NBEA: variants seen among roughly 807,000 people sequenced by gnomAD.
NBEA encodes the protein neurobeachin.
NBEA carries 44 observed loss-of-function variants against 343.4 expected under a neutral mutation model. The ratio of observed to expected loss-of-function variants is 0.13; its 90% CI spans 0.10 to 0.16. NBEA has a LOEUF of 0.16. Among genes scored for constraint, NBEA ranks in the 10% least tolerant of loss-of-function variants. The pLI is 1.00. For missense variants in NBEA, 2,555 were observed against 3,631.3 expected, an observed-to-expected ratio of 0.70 and a Z score of 7.62; for synonymous variants, 1,175 against 1,238.7, an observed-to-expected ratio of 0.95 and a Z score of 1.08.
At chr13:35,020,535 G>A (rs2061801694) in intron 1 of NBEA, among the ~76,000 whole-genome samples, 1 of 151,972 alleles carries the variant, frequency 6.6e-6, no homozygotes, top group Non-Finnish European at 1.5e-5. Flanking sequence ...ATATTCTTTT[G>A]TAAGACAGAG....
At chr13:35,620,274 GA>G (rs1475373976) in intron 48 of NBEA, among the ~76,000 whole-genome samples, 1 of 152,088 alleles carries the variant, frequency 6.6e-6, no homozygotes, top group African/African-American at 2.4e-5. Flanking sequence ...ACCACTGCAA[GA>G]AAAGGAGACT....
rs1424125380 is a variant in NBEA, at chr13:35,075,525, T to C, written c.1571+4673T>C. On this transcript the variant is annotated intron_variant, in intron 10 of 58. Coordinates refer to ENST00000379939, the MANE Select transcript of NBEA (RefSeq NM_001385012.1). ...ATTACAATAAATACAGTTTGTTTGCTAGAAGGATGGAATGTAAGAAATAAA... is the reference window on the plus strand; with the variant it reads ...ATTACAATAAATACAGTTTGTTTGCCAGAAGGATGGAATGTAAGAAATAAA... Among the ~76,000 whole-genome samples the C allele has an allele frequency of 2.6e-5, 4 of 152,108 alleles. No individual in the cohort carries two copies. The South Asian group carries it at 6.2e-4, about 24-fold the overall frequency.
chr13:35,082,572 A>G, intron 10 of NBEA, among the ~76,000 whole-genome samples: 1 of 152,198 alleles, frequency 6.6e-6, no homozygotes, highest in East Asian at 1.9e-4. Context: ...CATCTTCTGC[A>G]GCACCTGTTG....
At chr13:35,396,177 A>G (rs1477511470) in intron 38 of NBEA, among the ~76,000 whole-genome samples, 1 of 152,100 alleles carries the variant, frequency 6.6e-6, no homozygotes, top group Non-Finnish European at 1.5e-5. Context: ...TTGTAGGTGC[A>G]TGCCACTGCA....
At chr13:34,999,810 TAA>T (rs2061065184) in intron 1 of NBEA, among the ~76,000 whole-genome samples, 1 of 147,560 alleles carries the variant, frequency 6.8e-6, no homozygotes, top group Non-Finnish European at 1.5e-5. Flanking sequence ...GGTAACTTGA[TAA>T]GGTTATATAT....
intron 45 of NBEA, 94 bp from the exon 46 acceptor site, chr13:35,583,804 T>G: frequency 1.1e-6 from 1 of 908,980 alleles, no homozygotes; most frequent in Non-Finnish European, 1.6e-6. Context: ...ATGGCTAAAA[T>G]GAATTAACAG....
chr13:35,547,481 G>A (rs946640979), intron 41 of NBEA, among the ~76,000 whole-genome samples: 5 of 152,202 alleles, frequency 3.3e-5, no homozygotes, highest in Admixed American at 1.3e-4. Context: ...GATCCAGTCA[G>A]GGGAGAGGAA....
chr13:35,576,556 G>A lies in NBEA; in HGVS notation c.7036-7342G>A, dbSNP rs541788196. Among the ~76,000 whole-genome samples the A allele has an allele frequency of 2.0e-5, 3 of 152,074 alleles. No homozygotes were observed. The South Asian group carries it at 6.2e-4, about 32-fold the overall frequency. Reference sequence around the variant, plus strand: ...TCTGGGTCATATAATTCTAAAAGCCGACTAAAATTATCTCTATGAGATAAA... The same window carrying A: ...TCTGGGTCATATAATTCTAAAAGCCAACTAAAATTATCTCTATGAGATAAA... On this transcript the variant is annotated intron_variant, in intron 45 of 58. Coordinates refer to ENST00000379939, the MANE Select transcript of NBEA (RefSeq NM_001385012.1).
chr13:35,645,943 G>T lies in NBEA; in HGVS notation c.7680+12G>T. The T allele has an allele frequency of 6.6e-7, 1 of 1,507,798 alleles. No individual in the cohort carries two copies. The highest frequency in any genetic ancestry group is 9.0e-7 in the Non-Finnish European group (1 of 1,110,906). The allele number at this position is 1,507,798 out of a possible 1,614,324, so 93.4% of individuals were successfully genotyped here. ...AGGACTTTATTAAGGTATATGTTCT[G>T]TATTTAGTGTGGAAAGTGTTCTTTG... On this transcript the variant is annotated intron_variant, in intron 50 of 58. Coordinates refer to ENST00000379939, the MANE Select transcript of NBEA (RefSeq NM_001385012.1).
At chr13:34,990,155 C>T (rs2060700216) in intron 1 of NBEA, among the ~76,000 whole-genome samples, 1 of 150,952 alleles carries the variant, frequency 6.6e-6, no homozygotes, top group Non-Finnish European at 1.5e-5. Context: ...TGCAAGCCGT[C>T]AGTGGGTCTA....
chr13:35,235,363 T>TA (rs1271871748), intron 34 of NBEA, among the ~76,000 whole-genome samples: 1 of 152,222 alleles, frequency 6.6e-6, no homozygotes, highest in Admixed American at 6.5e-5. Context: ...CCCTACAAGA[T>TA]AAAAGCCTTT....
chr13:35,515,615 T>G (rs879285967), intron 41 of NBEA, among the ~76,000 whole-genome samples: 1 of 152,188 alleles, frequency 6.6e-6, no homozygotes, highest in Non-Finnish European at 1.5e-5. Flanking sequence ...TCACGTTCTG[T>G]GATGAAACAT....
chr13:35,509,951 T>C (rs901904105), intron 41 of NBEA, among the ~76,000 whole-genome samples: 6 of 152,232 alleles, frequency 3.9e-5, no homozygotes, highest in African/African-American at 1.2e-4. Context: ...TTTCAGTTTA[T>C]TAAATTTCAT....
At chr13:35,130,328 G>A (rs1268100143) in intron 17 of NBEA, among the ~76,000 whole-genome samples, 1 of 151,996 alleles carries the variant, frequency 6.6e-6, no homozygotes, top group Non-Finnish European at 1.5e-5. Flanking sequence ...GAAATGTAAA[G>A]GATGAGTTGG....
At chr13:35,591,298 A>G (rs761759646) in intron 46 of NBEA, among the ~76,000 whole-genome samples, 5 of 152,046 alleles carry the variant, frequency 3.3e-5, no homozygotes, top group Admixed American at 6.6e-5. Flanking sequence ...CTGCATCTAC[A>G]ATTTTTATAT....
chr13:35,130,034 GCTGT>G (rs1264643743), intron 17 of NBEA, among the ~76,000 whole-genome samples: 1 of 152,078 alleles, frequency 6.6e-6, no homozygotes, highest in African/African-American at 2.4e-5. Flanking sequence ...TTTAAAAAAT[GCTGT>G]CTGTTAAAGG....
At chr13:35,566,766 T>C (rs149173049) in intron 44 of NBEA, 139 bp from the exon 45 acceptor site, 110 of 528,044 alleles carry the variant, frequency 2.1e-4, no homozygotes, top group African/African-American at 1.6e-3. Context: ...TTGAAATGCA[T>C]TGTTATCAGA....
At chr13:35,377,300 C>T (rs1159086344) in intron 38 of NBEA, among the ~76,000 whole-genome samples, 1 of 152,154 alleles carries the variant, frequency 6.6e-6, no homozygotes, top group Non-Finnish European at 1.5e-5. Flanking sequence ...AATTTGAACA[C>T]TGTCTAGGGA....
intron 41 of NBEA, among the ~76,000 whole-genome samples, chr13:35,521,902 C>T (rs1400643035): frequency 6.6e-6 from 1 of 152,038 alleles, no homozygotes; most frequent in Non-Finnish European, 1.5e-5. Context: ...TCCTCCTTTC[C>T]TCAGTATACT....
Sources: gnomAD v4.1 joint callset for allele counts (sites outside exome capture counted in the v4.1 genomes callset) on GRCh38, gnomAD v4.1.1 for gene constraint, MANE v1.5 for transcripts, NCBI Gene and HGNC (gene_info 2026-07-23, HGNC 2026-07-21) for gene names.